The following HRH2 variants were observed in gnomAD, a reference collection of about 807,000 sequenced individuals.
HRH2 encodes histamine receptor H2.
HRH2 carries 4 observed loss-of-function variants against 20.1 expected under a neutral mutation model. That is an observed-to-expected ratio of 0.20 (90% CI 0.10 to 0.45). HRH2 has a LOEUF of 0.45. HRH2 is among the 20% of genes least tolerant of loss of function. HRH2 has a pLI of 0.99. For missense variants in HRH2, 250 were observed against 461.6 expected (o/e 0.54, Z 4.20); for synonymous variants, 197 against 200.7 (o/e 0.98, Z 0.16).
chr5:175,659,450 A>T (rs1237198013), intron 1 of HRH2, among the ~76,000 whole-genome samples: 1 of 152,096 alleles, frequency 6.6e-6, no homozygotes, highest in Non-Finnish European at 1.5e-5. Context: ...ATGAGAAAAT[A>T]ACTTATCTCG....
At chr5:175,697,313 A>AGGG (rs1756627287) in intron 2 of HRH2, among the ~76,000 whole-genome samples, 1 of 151,676 alleles carries the variant, frequency 6.6e-6, no homozygotes, top group African/African-American at 2.4e-5. Context: ...AATACAAAAA[A>AGGG]TTAGCCGGGC....
intron 1 of HRH2, among the ~76,000 whole-genome samples, chr5:175,672,390 G>A (rs1406024965): frequency 6.6e-6 from 1 of 152,112 alleles, no homozygotes; most frequent in Non-Finnish European, 1.5e-5. Context: ...TCCCTCCCCA[G>A]GCCTCTGCCA....
chr5:175,676,278 T>C (rs930989602), intron 1 of HRH2, among the ~76,000 whole-genome samples: 1 of 152,184 alleles, frequency 6.6e-6, no homozygotes, highest in African/African-American at 2.4e-5. Flanking sequence ...CACAAATAGG[T>C]ATGTGTGTGC....
chr5:175,682,233 A>G (rs1756006174), intron 1 of HRH2, among the ~76,000 whole-genome samples: 1 of 152,264 alleles, frequency 6.6e-6, no homozygotes, highest in Non-Finnish European at 1.5e-5. Flanking sequence ...GCCTTAGAGT[A>G]TGATGACATT....
intron 2 of HRH2, 153 bp downstream of exon 2, chr5:175,684,462 C>T (rs529288723): frequency 7.6e-6 from 8 of 1,046,436 alleles, no homozygotes; most frequent in Admixed American, 2.8e-5. Context: ...GCTTAATCCT[C>T]CCAACGGCCC....
At chr5:175,670,239 C>G (rs2113487102) in intron 1 of HRH2, among the ~76,000 whole-genome samples, 1 of 152,200 alleles carries the variant, frequency 6.6e-6, no homozygotes, top group Middle Eastern at 3.4e-3. Context: ...CCAAGACCAG[C>G]CTGGGCAACA....
At chr5:175,675,205 C>G (rs35217257) in intron 1 of HRH2, among the ~76,000 whole-genome samples, 7,336 of 152,268 alleles carry the variant, frequency 0.048, 235 homozygotes, top group Middle Eastern at 0.11. Context: ...TAATGGCAGG[C>G]CTGTCATGAA....
intron 2 of HRH2, among the ~76,000 whole-genome samples, chr5:175,685,080 A>C (rs1756123928): frequency 6.6e-6 from 1 of 152,122 alleles, no homozygotes. Flanking sequence ...GAGGCCATAG[A>C]TCTTAAAAGC....
chr5:175,658,689 C>T (rs1291143493), intron 1 of HRH2, among the ~76,000 whole-genome samples: 1 of 150,968 alleles, frequency 6.6e-6, no homozygotes, highest in Non-Finnish European at 1.5e-5. Context: ...CTGCCTTCAT[C>T]CCGCTGGGCT....
At position 175,681,004 on chromosome 5, in the gene HRH2, G is replaced by T. The variant is rs1755946716; in HGVS notation, c.-525-1705G>T. Among the ~76,000 whole-genome samples the T allele has an allele frequency of 6.6e-6, 1 of 152,148 alleles. No homozygotes were observed. Among genetic ancestry groups the T allele is most frequent in the African/African-American group, 2.4e-5 (1 of 41,432 alleles). On this transcript the variant is annotated intron_variant, in intron 1 of 2. Coordinates refer to ENST00000636584, the MANE Select transcript of HRH2 (RefSeq NM_001367711.1). The surrounding 1 kb of genome is among the most constrained non-coding windows in gnomAD (Gnocchi z 4.3). ...ATTATAAGAGAGGCTGGTCCACTCA[G>T]ATTTGAAGACCCCTCATCCAAACAT...
intron 2 of HRH2, among the ~76,000 whole-genome samples, chr5:175,702,185 C>A (rs1414241926): frequency 6.6e-6 from 1 of 151,758 alleles, no homozygotes; most frequent in Non-Finnish European, 1.5e-5. Flanking sequence ...ACTTAAAATA[C>A]AGAAGGTAGA....
At chr5:175,702,069 C>T (rs1756803000) in intron 2 of HRH2, among the ~76,000 whole-genome samples, 1 of 152,178 alleles carries the variant, frequency 6.6e-6, no homozygotes, top group Non-Finnish European at 1.5e-5. Context: ...AGCTTGGTGT[C>T]TCATCCCAGC....
intron 1 of HRH2, among the ~76,000 whole-genome samples, chr5:175,680,638 A>C (rs1755931092): frequency 6.6e-6 from 1 of 152,220 alleles, no homozygotes; most frequent in Non-Finnish European, 1.5e-5. Context: ...GAACCCATTG[A>C]AGGTTGCTCC....
Position 175,701,495 on chromosome 5 carries a change from AT to A in HRH2, c.1077-6283del, listed in dbSNP as rs374238934. On this transcript the variant is annotated intron_variant, in intron 2 of 2. Transcript: ENST00000636584. ...GCTTCCCGCTCGGATTGCCGCTGTAATCCTCAGCCGGAGTCTTCCCATAGAG... is the reference window on the plus strand; with the variant it reads ...GCTTCCCGCTCGGATTGCCGCTGTAACCTCAGCCGGAGTCTTCCCATAGAG... Among the ~76,000 whole-genome samples the A allele has an allele frequency of 1.5e-3, 230 of 152,288 alleles. 1 individual carries two copies. The highest frequency in any genetic ancestry group is 5.2e-3 in the African/African-American group (218 of 41,562).
At chr5:175,679,740 A>G (rs1238227150) in intron 1 of HRH2, among the ~76,000 whole-genome samples, 1 of 152,196 alleles carries the variant, frequency 6.6e-6, no homozygotes, top group Non-Finnish European at 1.5e-5. Context: ...GCAAAGGCAG[A>G]GGAAGGAGGG....
rs1757003719 is a variant in HRH2 at position 175,708,181 on chromosome 5, C to T, written c.*210C>T. The T allele has an allele frequency of 2.6e-6, 1 of 383,078 alleles. No homozygotes were observed. The highest frequency in any genetic ancestry group is 4.5e-5 in the Admixed American group (1 of 22,206). The allele number at this position is 383,078 out of a possible 1,614,324, so 23.7% of individuals were successfully genotyped here. On this transcript the variant is annotated 3_prime_UTR_variant, in exon 3 of 3. Transcript: ENST00000636584. ...ATTCCCAGACAGGCACGCAAGACTC[C>T]TCTGGGCCCGAGTGGGCTGAATCCC...
chr5:175,669,162 A>G (rs1294301234), intron 1 of HRH2, among the ~76,000 whole-genome samples: 1 of 151,728 alleles, frequency 6.6e-6, no homozygotes, highest in Admixed American at 6.6e-5. Flanking sequence ...TGTTAAATGC[A>G]TTTGTTTTTG....
At chr5:175,694,589 G>A (rs1421410118) in intron 2 of HRH2, among the ~76,000 whole-genome samples, 2 of 152,154 alleles carry the variant, frequency 1.3e-5, no homozygotes, top group Non-Finnish European at 2.9e-5. Context: ...GCTCACCGTA[G>A]GCTCTGCGAG....
chr5:175,697,501 C>A (rs1455959653), intron 2 of HRH2, among the ~76,000 whole-genome samples: 1 of 151,156 alleles, frequency 6.6e-6, no homozygotes, highest in Non-Finnish European at 1.5e-5. Flanking sequence ...ATGAAAATTG[C>A]CCAGACCCAC....
Sources: gnomAD v4.1 joint callset for allele counts (sites outside exome capture counted in the v4.1 genomes callset) on GRCh38, gnomAD v4.1.1 for gene constraint, Gnocchi (gnomAD v3.1) non-coding constraint, MANE v1.5 for transcripts, NCBI Gene and HGNC (gene_info 2026-07-23, HGNC 2026-07-21) for gene names.